FAM184A: variants seen among roughly 807,000 people sequenced by gnomAD.
FAM184A encodes protein FAM184A.
Under a neutral mutation model 143.8 loss-of-function variants are expected in FAM184A, and 99 were observed. That is an observed-to-expected ratio of 0.69 (90% CI 0.58 to 0.81). FAM184A has a LOEUF of 0.81. Ranked by LOEUF, FAM184A falls within the 40% of genes least tolerant of loss-of-function variation. The pLI is 0.00. For synonymous variants in FAM184A, 427 were observed against 446.4 expected, an observed-to-expected ratio of 0.96 and a Z score of 0.55; for missense variants, 1,217 against 1,310.5, an observed-to-expected ratio of 0.93 and a Z score of 1.10.
chr6:118,994,213 T>C (rs911841832), intron 9 of FAM184A, among the ~76,000 whole-genome samples: 1 of 152,206 alleles, frequency 6.6e-6, no homozygotes, highest in African/African-American at 2.4e-5. Flanking sequence ...AGCCAGTTAC[T>C]ATTCTGGCAC....
chr6:119,021,986 A>G (rs1261437845), intron 3 of FAM184A, among the ~76,000 whole-genome samples: 2 of 152,022 alleles, frequency 1.3e-5, no homozygotes, highest in East Asian at 3.9e-4. Context: ...AAAAAATAAA[A>G]TAAAATAAAA....
intron 1 of FAM184A, among the ~76,000 whole-genome samples, chr6:119,043,561 T>A (rs1226482895): frequency 6.6e-6 from 1 of 151,200 alleles, no homozygotes; most frequent in African/African-American, 2.5e-5. Flanking sequence ...ACCCAGATCC[T>A]TCTCATCTAA....
chr6:118,978,946 A>T (rs1397035351), intron 11 of FAM184A, among the ~76,000 whole-genome samples: 1 of 152,190 alleles, frequency 6.6e-6, no homozygotes, highest in Non-Finnish European at 1.5e-5. Context: ...AGAAATATAT[A>T]CCTCAACAGA....
At position 118,974,565 on chromosome 6, in the gene FAM184A, T is replaced by C. The variant is rs1216019489; in HGVS notation, c.2778A>G (p.Glu926=). ...SESNQQIRLH[E]QDLNKRLEKE... is the part of the protein sequence containing the mutation. ...TTTCAAGTCTCTTGTTTAAATCTTG[T>C]TCATGCAACCTGTTTGATTTATTTT... The change falls in exon 14 of 18, where the codon GAA becomes GAG. Residue 926 remains glutamate, a synonymous_variant. Transcript: ENST00000338891. The C allele has an allele frequency of 6.3e-7, 1 of 1,599,692 alleles. No homozygotes were observed. Among genetic ancestry groups the C allele is most frequent in the East Asian group, 2.2e-5 (1 of 44,500 alleles).
intron 5 of FAM184A, among the ~76,000 whole-genome samples, chr6:119,013,271 G>A (rs924657894): frequency 3.9e-5 from 6 of 152,150 alleles, no homozygotes; most frequent in African/African-American, 1.2e-4. Flanking sequence ...ATTTAATCAG[G>A]TGAAGGGATA....
intron 9 of FAM184A, among the ~76,000 whole-genome samples, chr6:118,984,656 A>G (rs1784134077): frequency 6.6e-6 from 1 of 152,224 alleles, no homozygotes; most frequent in Non-Finnish European, 1.5e-5. Context: ...TTTTGATGCA[A>G]TATCGGTGTT....
intron 9 of FAM184A, among the ~76,000 whole-genome samples, chr6:119,002,027 CATTATA>C (rs1405710133): frequency 2.0e-5 from 3 of 151,988 alleles, no homozygotes; most frequent in South Asian, 4.2e-4. Context: ...TTCAGAGTAA[CATTATA>C]ATTATGAGAT....
intron 1 of FAM184A, among the ~76,000 whole-genome samples, chr6:119,074,318 C>A (rs539147208): frequency 2.0e-5 from 3 of 152,144 alleles, no homozygotes; most frequent in African/African-American, 7.2e-5. Flanking sequence ...AATAATACCC[C>A]CTTCCCTAGT....
At chr6:118,974,304 C>G in intron 14 of FAM184A, 124 bp downstream of exon 14, 1 of 790,898 alleles carries the variant, frequency 1.3e-6, no homozygotes, top group Non-Finnish European at 2.0e-6. Flanking sequence ...TGTAACACAG[C>G]ACTAAAATTT....
chr6:119,116,674 G>A (rs79907065), intron 1 of FAM184A, among the ~76,000 whole-genome samples: 1,660 of 152,324 alleles, frequency 0.011, 19 homozygotes, highest in South Asian at 0.042. Context: ...AGAAATGAGT[G>A]TCCAGCTGCC....
intron 1 of FAM184A, among the ~76,000 whole-genome samples, chr6:119,090,121 A>G (rs1211660967): frequency 1.3e-5 from 2 of 152,198 alleles, no homozygotes; most frequent in Admixed American, 1.3e-4. Context: ...CAGGGACTGA[A>G]TAAGTTTACT....
At chr6:119,114,083 G>A (rs1478401032) in intron 1 of FAM184A, among the ~76,000 whole-genome samples, 1 of 152,114 alleles carries the variant, frequency 6.6e-6, no homozygotes, top group African/African-American at 2.4e-5. Context: ...AAAAAGCATA[G>A]CATATATAAG....
At chr6:119,026,816 C>G (rs1420493531) in intron 1 of FAM184A, among the ~76,000 whole-genome samples, 1 of 152,094 alleles carries the variant, frequency 6.6e-6, no homozygotes, top group Admixed American at 6.6e-5. Context: ...GTATTTTACC[C>G]TAAAATTTTT....
At chr6:119,084,933 C>T (rs1177038535) in intron 1 of FAM184A, among the ~76,000 whole-genome samples, 1 of 152,238 alleles carries the variant, frequency 6.6e-6, no homozygotes, top group Non-Finnish European at 1.5e-5. Context: ...GAGCAGGGAG[C>T]AGGGTCCTGA....
intron 1 of FAM184A, among the ~76,000 whole-genome samples, chr6:119,036,991 G>A (rs1408166348): frequency 2.0e-5 from 3 of 152,156 alleles, no homozygotes; most frequent in African/African-American, 7.2e-5. Context: ...GGCACAAAAT[G>A]TGAATGATTT....
chr6:119,021,898 C>T (rs892165062), intron 3 of FAM184A, among the ~76,000 whole-genome samples: 2 of 152,002 alleles, frequency 1.3e-5, no homozygotes, highest in Non-Finnish European at 2.9e-5. Context: ...ATCACTTGAG[C>T]CCAGGAAGTC....
chr6:119,086,918 G>T (rs1052585948), intron 1 of FAM184A, among the ~76,000 whole-genome samples: 7 of 152,186 alleles, frequency 4.6e-5, no homozygotes, highest in Non-Finnish European at 1.0e-4. Context: ...AACAAAAAAG[G>T]ATGGATGTGA....
intron 1 of FAM184A, among the ~76,000 whole-genome samples, chr6:119,087,984 CAA>C (rs1442180641): frequency 6.6e-6 from 1 of 152,202 alleles, no homozygotes; most frequent in Admixed American, 6.5e-5. Flanking sequence ...AAGCCAGTTA[CAA>C]AAGGACAAAT....
At chr6:118,965,084 A>G (rs1030585465) in intron 15 of FAM184A, among the ~76,000 whole-genome samples, 6 of 152,116 alleles carry the variant, frequency 3.9e-5, no homozygotes, top group Admixed American at 1.3e-4. Context: ...ACTTACATTC[A>G]TGGGGCTCTG....
Sources: gnomAD v4.1 joint callset for allele counts (sites outside exome capture counted in the v4.1 genomes callset) on GRCh38, gnomAD v4.1.1 for gene constraint, MANE v1.5 for transcripts, NCBI Gene and HGNC (gene_info 2026-07-23, HGNC 2026-07-21) for gene names.